ANKH: variants seen among roughly 807,000 people sequenced by gnomAD.
ANKH encodes ANKH inorganic pyrophosphate transport regulator.
Under a neutral mutation model 49.0 loss-of-function variants are expected in ANKH, and 15 were observed. That is an observed-to-expected ratio of 0.31 (90% CI 0.20 to 0.47). The LOEUF (loss-of-function observed/expected upper bound fraction) is 0.47, where lower values mean the gene tolerates loss of function less well. Among genes scored for constraint, ANKH ranks in the 20% least tolerant of loss-of-function variants. The pLI, the probability that ANKH is intolerant of heterozygous loss-of-function variation, is 1.00. For missense variants in ANKH, 429 were observed against 652.0 expected (o/e 0.66, Z 3.72); for synonymous variants, 273 against 260.0 (o/e 1.05, Z -0.48).
rs190362869 is a variant in ANKH, at chr5:14,846,939, C to T, written c.96+24413G>A. Among the ~76,000 whole-genome samples the T allele has an allele frequency of 1.4e-3, 201 of 143,750 alleles. 3 individuals are homozygous for T. The highest frequency in any genetic ancestry group is 4.3e-3 in the African/African-American group (166 of 38,940). The allele number at this position is 143,750 out of a possible 152,430, so 94.3% of individuals were successfully genotyped here. On this transcript the variant is annotated intron_variant, in intron 1 of 11. Coordinates refer to ENST00000284268, the MANE Select transcript of ANKH (RefSeq NM_054027.6). The stretch of plus-strand genomic sequence containing the variant: ...AGGAGAATTGCTTGAACTCAGGAGA[C>T]GGATGTTGCAGTGAGCCAAGATCAT...
intron 1 of ANKH, chr5:14,797,813 A>G: frequency 6.2e-7 from 1 of 1,611,296 alleles, no homozygotes; most frequent in Non-Finnish European, 8.5e-7. Flanking sequence ...GGTCATCTGA[A>G]GCACTAAGTA....
intron 2 of ANKH, among the ~76,000 whole-genome samples, 159 bp from the exon 3 acceptor site, chr5:14,758,757 T>G (rs1353556242): frequency 6.6e-6 from 1 of 152,228 alleles, no homozygotes; most frequent in Non-Finnish European, 1.5e-5. Flanking sequence ...ATCTCATCCC[T>G]CTACCCAGAG....
chr5:14,761,324 G>A (rs1180231566), intron 2 of ANKH, among the ~76,000 whole-genome samples: 2 of 152,200 alleles, frequency 1.3e-5, no homozygotes, highest in South Asian at 4.1e-4. Flanking sequence ...ACAGGTACAA[G>A]TGGCTTCTGA....
At chr5:14,856,808 G>A (rs1735278012) in intron 1 of ANKH, among the ~76,000 whole-genome samples, 2 of 152,046 alleles carry the variant, frequency 1.3e-5, no homozygotes, top group Non-Finnish European at 2.9e-5. Context: ...CATGAGCCAC[G>A]AGTCAGACAA....
rs369561898 is a variant in ANKH at position 14,826,392 on chromosome 5, G to A, written c.96+44960C>T. ...TCAGATTACAGATTAAAGGGACAGC[G>A]AAAAAGACCAACTAGCAGCTTTGTT... is the stretch of plus-strand genomic sequence containing the variant. On this transcript the variant is annotated intron_variant, in intron 1 of 11. Coordinates refer to ENST00000284268, the MANE Select transcript of ANKH (RefSeq NM_054027.6). Among the ~76,000 whole-genome samples, 72 of 152,286 alleles carry A rather than the reference G, an allele frequency of 4.7e-4. 1 individual carries two copies. Among genetic ancestry groups the A allele is most frequent in the Non-Finnish European group, 2.8e-4 (19 of 68,018 alleles).
At chr5:14,764,735 TTAA>T (rs1330186196) in intron 2 of ANKH, among the ~76,000 whole-genome samples, 3 of 152,188 alleles carry the variant, frequency 2.0e-5, no homozygotes, top group Admixed American at 6.5e-5. Flanking sequence ...ATAGAGCTGG[TTAA>T]TAACCCATGA....
chr5:14,768,935 T>C, intron 2 of ANKH, 40 bp downstream of exon 2: 1 of 1,586,378 alleles, frequency 6.3e-7, no homozygotes. Context: ...AATAAGAAAT[T>C]GCCAAAGCTA....
intron 8 of ANKH, among the ~76,000 whole-genome samples, chr5:14,738,266 C>A (rs1738247915): frequency 6.6e-6 from 1 of 152,188 alleles, no homozygotes. Context: ...CGGTATTTTT[C>A]ACAGGCAAAG....
intron 1 of ANKH, among the ~76,000 whole-genome samples, chr5:14,829,509 T>A (rs1446099755): frequency 6.6e-6 from 1 of 152,198 alleles, no homozygotes; most frequent in African/African-American, 2.4e-5. Flanking sequence ...AAGTGTCAAA[T>A]CTTTACTTTA....
chr5:14,727,199 C>A (rs985881903), intron 8 of ANKH, among the ~76,000 whole-genome samples: 6 of 152,270 alleles, frequency 3.9e-5, no homozygotes, highest in Non-Finnish European at 8.8e-5. Flanking sequence ...AAGCATATTA[C>A]AAAGTGTTTA....
chr5:14,779,832 C>T (rs1196500729), intron 1 of ANKH, among the ~76,000 whole-genome samples: 3 of 152,176 alleles, frequency 2.0e-5, no homozygotes, highest in African/African-American at 4.8e-5. Context: ...ACTGAGCACC[C>T]AGTTGGCTGC....
rs1742096792 is a variant in ANKH at position 14,850,609 on chromosome 5, A to G, written c.96+20743T>C. Among the ~76,000 whole-genome samples, 3 of 152,334 alleles carry G rather than the reference A, an allele frequency of 2.0e-5. No homozygotes were observed. The South Asian group carries it at 6.2e-4, about 32-fold the overall frequency. On this transcript the variant is annotated intron_variant, in intron 1 of 11. Coordinates refer to ENST00000284268, the MANE Select transcript of ANKH (RefSeq NM_054027.6). ...ATGGGGACAGAGTGTGGCAGTGCCA[A>G]CAGTCCTACTATGGCACCTCCTGGA...
rs771729890 is a variant in ANKH, at chr5:14,711,099, C to CAA, written c.*96_*97dup. On this transcript the variant is annotated 3_prime_UTR_variant, in exon 12 of 12. Coordinates refer to ENST00000284268, the MANE Select transcript of ANKH (RefSeq NM_054027.6). ...GGCCTCTTTCATTACCAAAACAAAA[C>CAA]AAAAAAAAGGGAACAAAATACGATG... The CAA allele has an allele frequency of 7.0e-6, 8 of 1,135,410 alleles. No individual in the cohort carries two copies. The highest frequency in any genetic ancestry group is 4.6e-5 in the African/African-American group (3 of 65,340). 70.3% of individuals were successfully genotyped at this position (1,135,410 alleles called of 1,614,324 possible). A position where few individuals can be genotyped will look rare whatever the true frequency, so the allele number is the denominator to read the frequency against.
intron 6 of ANKH, among the ~76,000 whole-genome samples, chr5:14,746,759 G>C (rs1285947925): frequency 6.6e-6 from 1 of 152,216 alleles, no homozygotes; most frequent in Non-Finnish European, 1.5e-5. Flanking sequence ...AACAAGGACA[G>C]CTTGGAGGTT....
At position 14,710,420 on chromosome 5, in the gene ANKH, A is replaced by AAGTT. The variant is rs971251971; in HGVS notation, c.*773_*776dup. ...GATGCGCTTTTGTGACAATTTAAAA[A>AAGTT]AGTTAGCTCATGTATATACACGGTG... is the stretch of plus-strand genomic sequence containing the variant. On this transcript the variant is annotated 3_prime_UTR_variant, in exon 12 of 12. Coordinates refer to ENST00000284268, the MANE Select transcript of ANKH (RefSeq NM_054027.6). The AAGTT allele has an allele frequency of 2.6e-4, 39 of 152,374 alleles. No homozygotes were observed. Among genetic ancestry groups the AAGTT allele is most frequent in the African/African-American group, 7.9e-4 (33 of 41,588 alleles). The allele number at this position is 152,374 out of a possible 1,614,324, so 9.4% of individuals were successfully genotyped here. A position where few individuals can be genotyped will look rare whatever the true frequency, so the allele number is the denominator to read the frequency against.
intron 8 of ANKH, among the ~76,000 whole-genome samples, chr5:14,726,519 A>C (rs1580009330): frequency 6.6e-6 from 1 of 152,038 alleles, no homozygotes; most frequent in Non-Finnish European, 1.5e-5. Flanking sequence ...AAGGGAGAAG[A>C]ACCAATGTAC....
At chr5:14,783,867 T>C (rs966484697) in intron 1 of ANKH, among the ~76,000 whole-genome samples, 3 of 152,218 alleles carry the variant, frequency 2.0e-5, no homozygotes, top group Admixed American at 6.5e-5. Flanking sequence ...CATGCTGTGC[T>C]TTCACTCTGT....
chr5:14,740,069 C>T (rs931088795), intron 8 of ANKH, among the ~76,000 whole-genome samples: 2 of 152,168 alleles, frequency 1.3e-5, no homozygotes, highest in Non-Finnish European at 2.9e-5. Flanking sequence ...AAGCCCAATC[C>T]GGTAAAGCTC....
intron 4 of ANKH, among the ~76,000 whole-genome samples, chr5:14,754,609 T>C (rs1446340761): frequency 6.6e-6 from 1 of 151,414 alleles, no homozygotes; most frequent in African/African-American, 2.4e-5. Context: ...ACACACACAG[T>C]TAGTAGAAAT....
Sources: allele counts gnomAD v4.1 joint callset (sites outside exome capture counted in the v4.1 genomes callset), GRCh38; gene constraint gnomAD v4.1.1; transcripts MANE v1.5; gene names NCBI Gene and HGNC (gene_info 2026-07-23, HGNC 2026-07-21).